The following RGPD4 variants were observed in gnomAD, a reference collection of about 807,000 sequenced individuals.
RGPD4 encodes RANBP2 like and GRIP domain containing 4.
A neutral mutation model predicts 141.1 loss-of-function variants in RGPD4; 84 were observed. That is an observed-to-expected ratio of 0.60 (90% CI 0.50 to 0.71). RGPD4 has a LOEUF of 0.71. Among genes scored for constraint, RGPD4 ranks in the 30% least tolerant of loss-of-function variants. The pLI, the probability that RGPD4 is intolerant of heterozygous loss-of-function variation, is 0.00. For synonymous variants in RGPD4, 298 were observed against 566.8 expected (o/e 0.53, Z 6.74); for missense variants, 918 against 1,622.4 (o/e 0.57, Z 7.46).
chr2:107,846,722 C>T (rs1681962593), intron 6 of RGPD4, among the ~76,000 whole-genome samples: 1 of 150,924 alleles, frequency 6.6e-6, no homozygotes, highest in Admixed American at 6.6e-5. Flanking sequence ...CCCGCCTCAG[C>T]CTCCCAAAGT....
chr2:107,833,901 T>G (rs1681580273), intron 1 of RGPD4, among the ~76,000 whole-genome samples: 1 of 151,872 alleles, frequency 6.6e-6, no homozygotes, highest in African/African-American at 2.4e-5. Flanking sequence ...CTGGGCATGG[T>G]GGCGTGCGCC....
chr2:107,857,271 G>T (rs887486021), intron 9 of RGPD4, among the ~76,000 whole-genome samples: 6 of 151,502 alleles, frequency 4.0e-5, no homozygotes, highest in Non-Finnish European at 8.8e-5. Flanking sequence ...CCAAGTAGCG[G>T]GATTACAAAT....
At chr2:107,857,175 T>G (rs1196136506) in intron 9 of RGPD4, among the ~76,000 whole-genome samples, 4 of 149,162 alleles carry the variant, frequency 2.7e-5, no homozygotes, top group East Asian at 2.0e-4. Flanking sequence ...TTTGCTCTTG[T>G]CGCCCATGCT....
chr2:107,885,278 A>G (rs1248393955), intron 22 of RGPD4, among the ~76,000 whole-genome samples: 1 of 152,184 alleles, frequency 6.6e-6, no homozygotes, highest in African/African-American at 2.4e-5. Context: ...TCTCAAAATT[A>G]TAACTAATTT....
chr2:107,869,817 CTAGA>C (rs1682844852), intron 18 of RGPD4, 62 bp from the exon 19 acceptor site: 1 of 1,530,660 alleles, frequency 6.5e-7, no homozygotes, highest in Admixed American at 2.1e-5. Context: ...TAGCTCTTGA[CTAGA>C]TAGTCTTAAC....
chr2:107,859,442 C>G lies in RGPD4; in HGVS notation c.1522C>G (p.His508Asp), dbSNP rs1464454748. ...ATTAAAGGAGAAATGTAATTCTCAC[C>G]ACAGCTCCTATCAGCCGTTATGCCT... ...LQLKEKCNSH[H>D]SSYQPLCLPL... The change falls in exon 11 of 23, where the codon CAC (histidine) becomes GAC (aspartate). Residue 508 changes from histidine to aspartate, a missense_variant. Physicochemically the swap from His to Asp is moderately conservative, Grantham distance 81. Transcript: ENST00000408999. The G allele has an allele frequency of 6.2e-7, 1 of 1,610,722 alleles. No individual in the cohort carries two copies. Among genetic ancestry groups the G allele is most frequent in the Non-Finnish European group, 8.5e-7 (1 of 1,179,808 alleles).
intron 17 of RGPD4, among the ~76,000 whole-genome samples, chr2:107,863,819 A>G (rs1167778221): frequency 3.3e-5 from 5 of 151,900 alleles, no homozygotes; most frequent in Non-Finnish European, 7.3e-5. Flanking sequence ...AAAGTACTTT[A>G]TGTGTCTCTC....
At chr2:107,888,446 T>A (rs1246745213) in intron 22 of RGPD4, among the ~76,000 whole-genome samples, 2 of 151,372 alleles carry the variant, frequency 1.3e-5, no homozygotes, top group African/African-American at 4.9e-5. Flanking sequence ...TTACCTCACT[T>A]GGAACACATA....
At chr2:107,829,709 T>A (rs986713464) in intron 1 of RGPD4, among the ~76,000 whole-genome samples, 4 of 150,930 alleles carry the variant, frequency 2.7e-5, no homozygotes, top group African/African-American at 9.7e-5. Context: ...GCGGGAGACC[T>A]TTGGCGCCGG....
At chr2:107,833,891 C>G (rs1214863565) in intron 1 of RGPD4, among the ~76,000 whole-genome samples, 3 of 151,998 alleles carry the variant, frequency 2.0e-5, no homozygotes, top group Non-Finnish European at 2.9e-5. Flanking sequence ...CAAAAATTAG[C>G]TGGGCATGGT....
chr2:107,886,595 A>C lies in RGPD4; in HGVS notation c.5266+3722A>C, dbSNP rs1452914016. The stretch of plus-strand genomic sequence containing the variant: ...TCCTAGGTAAAAGGTCTAAGATGCC[A>C]GAAAGAAAGACATGCAAAGGAAACT... On this transcript the variant is annotated intron_variant, in intron 22 of 22. Transcript: ENST00000408999. Among the ~76,000 whole-genome samples, 2 of 151,750 alleles carry C rather than the reference A, an allele frequency of 1.3e-5. 1 individual carries two copies. Among genetic ancestry groups the C allele is most frequent in the African/African-American group, 4.9e-5 (2 of 41,186 alleles).
rs370037769 is a variant in RGPD4, at chr2:107,871,828, G to T, written c.3824G>T (p.Ser1275Ile). ...TCAGTACATGCTTCTCCATTGGCAA[G>T]TAGCCCTGTGAGAAAAAATCTTTTC... ...SSSVHASPLA[S>I]SPVRKNLFHF... The change falls in exon 20 of 23, where the codon AGT (serine) becomes ATT (isoleucine). Residue 1275 changes from serine to isoleucine, a missense_variant. Coordinates refer to ENST00000408999, the MANE Select transcript of RGPD4 (RefSeq NM_182588.3). 1.9e-6 allele frequency: 3 copies of T among 1,611,600 alleles called. No individual in the cohort carries two copies. The highest frequency in any genetic ancestry group is 3.3e-5 in the Admixed American group (2 of 59,992).
intron 15 of RGPD4, among the ~76,000 whole-genome samples, chr2:107,862,204 CT>C (rs1682565448): frequency 7.6e-6 from 1 of 131,788 alleles, no homozygotes; most frequent in Non-Finnish European, 1.6e-5. Flanking sequence ...GTTCAGTCTT[CT>C]GAGTGTTTTG....
intron 21 of RGPD4, among the ~76,000 whole-genome samples, chr2:107,881,444 A>G (rs1324387324): frequency 6.6e-6 from 1 of 151,740 alleles, no homozygotes; most frequent in Non-Finnish European, 1.5e-5. Context: ...CAGCCTCCCG[A>G]GTAGCTGAGA....
intron 1 of RGPD4, among the ~76,000 whole-genome samples, chr2:107,830,400 G>T (rs1379258878): frequency 1.3e-5 from 2 of 150,178 alleles, no homozygotes; most frequent in Non-Finnish European, 2.9e-5. Flanking sequence ...TGGGGACCTT[G>T]GCTTCCAAAA....
intron 1 of RGPD4, among the ~76,000 whole-genome samples, chr2:107,829,714 C>G (rs1681400326): frequency 6.6e-6 from 1 of 152,106 alleles, no homozygotes; most frequent in Non-Finnish European, 1.5e-5. Flanking sequence ...AGACCTTTGG[C>G]GCCGGCGCTT....
At chr2:107,827,327 G>C (rs1681242403) in intron 1 of RGPD4, among the ~76,000 whole-genome samples, 1 of 137,862 alleles carries the variant, frequency 7.3e-6, no homozygotes, top group African/African-American at 2.7e-5. Context: ...GCCTCGACCC[G>C]GCCCGGCGGC....
chr2:107,877,677 C>T (rs2104510273), intron 20 of RGPD4, among the ~76,000 whole-genome samples: 1 of 151,446 alleles, frequency 6.6e-6, no homozygotes, highest in Middle Eastern at 3.4e-3. Flanking sequence ...TGGCCCTCTA[C>T]TCTAAATTAA....
intron 1 of RGPD4, among the ~76,000 whole-genome samples, chr2:107,835,586 T>C (rs1681641394): frequency 6.6e-6 from 1 of 151,998 alleles, no homozygotes; most frequent in East Asian, 1.9e-4. Flanking sequence ...TAGTTATTCT[T>C]TCCCATAGAG....
Sources: allele counts gnomAD v4.1 joint callset (sites outside exome capture counted in the v4.1 genomes callset), GRCh38; gene constraint gnomAD v4.1.1; transcripts MANE v1.5; gene names NCBI Gene and HGNC (gene_info 2026-07-23, HGNC 2026-07-21).